ANKFN1: variants seen among roughly 807,000 people sequenced by gnomAD.
The protein encoded by ANKFN1 is ankyrin repeat and fibronectin type-III domain-containing protein 1.
A neutral mutation model predicts 108.7 loss-of-function variants in ANKFN1; 74 were observed. The ratio of observed to expected loss-of-function variants is 0.68; its 90% CI spans 0.56 to 0.83. The LOEUF (loss-of-function observed/expected upper bound fraction) is 0.83. Ranked by LOEUF, ANKFN1 falls within the 40% of genes least tolerant of loss-of-function variation. The pLI is 0.00. For synonymous variants in ANKFN1, 547 were observed against 516.2 expected (o/e 1.06, Z -0.81); for missense variants, 1,505 against 1,382.3 (o/e 1.09, Z -1.41).
In ANKFN1 at chr17:56,350,737, G is replaced by T. The variant is rs868190933; in HGVS notation, c.189-29G>T. ...TCAACTTATAATTTGTGGTGTAAAAGATATAACATCGGACTTTCCTCTTCT... is the reference window on the plus strand; with the variant it reads ...TCAACTTATAATTTGTGGTGTAAAATATATAACATCGGACTTTCCTCTTCT... On this transcript the variant is annotated intron_variant, in intron 4 of 20. Coordinates refer to ENST00000682825, the MANE Select transcript of ANKFN1 (RefSeq NM_001370326.1). 8.2e-6 allele frequency: 13 copies of T among 1,591,894 alleles called. 1 individual carries two copies. The Middle Eastern group carries it at 1.8e-3, about 224-fold the overall frequency.
intron 1 of ANKFN1, among the ~76,000 whole-genome samples, chr17:56,154,659 A>AAC (rs1555601688): frequency 2.1e-4 from 32 of 151,748 alleles, no homozygotes; most frequent in African/African-American, 6.8e-4. Flanking sequence ...AAAAAAAAAA[A>AAC]CTTATTCCTT....
At chr17:56,206,760 A>G (rs1003698084) in intron 1 of ANKFN1, among the ~76,000 whole-genome samples, 17 of 152,154 alleles carry the variant, frequency 1.1e-4, no homozygotes, top group African/African-American at 3.9e-4. Context: ...TTGGCAAGAG[A>G]TGGGGATGGG....
intron 6 of ANKFN1, among the ~76,000 whole-genome samples, chr17:56,370,484 A>T (rs1468838189): frequency 6.6e-6 from 1 of 152,240 alleles, no homozygotes; most frequent in Non-Finnish European, 1.5e-5. Flanking sequence ...TTTATAAATC[A>T]TGTGTCTGTC....
chr17:56,377,573 G>A (rs963500278), intron 8 of ANKFN1, among the ~76,000 whole-genome samples: 2 of 152,128 alleles, frequency 1.3e-5, no homozygotes, highest in African/African-American at 4.8e-5. Flanking sequence ...CCATTTTTAT[G>A]GCTGACAGAG....
intron 3 of ANKFN1, among the ~76,000 whole-genome samples, chr17:56,321,319 G>C (rs1039192924): frequency 6.6e-6 from 1 of 152,064 alleles, no homozygotes; most frequent in East Asian, 1.9e-4. Flanking sequence ...AATCGGAGCC[G>C]TTATTGAGCA....
In ANKFN1 at chr17:56,479,855, C is replaced by A. The variant is rs117756890; in HGVS notation, c.1941-813C>A. ...CTCCCTGCAGAGTTCGAAGGAGAAT[C>A]TGGGCCAACTGAATGTGTTTAGAGA... is the stretch of plus-strand genomic sequence containing the variant. On this transcript the variant is annotated intron_variant, in intron 16 of 20. Coordinates refer to ENST00000682825, the MANE Select transcript of ANKFN1 (RefSeq NM_001370326.1). 3.2e-3 allele frequency among the ~76,000 whole-genome samples: 494 copies of A among 152,344 alleles called. 3 individuals are homozygous for A. The highest frequency in any genetic ancestry group is 7.5e-3 in the Admixed American group (115 of 15,298).
intron 14 of ANKFN1, among the ~76,000 whole-genome samples, chr17:56,460,896 A>G (rs2049882606): frequency 6.6e-6 from 1 of 152,142 alleles, no homozygotes; most frequent in Non-Finnish European, 1.5e-5. Context: ...CTCCACTGAC[A>G]TCTCCATTTC....
At position 56,505,884 on chromosome 17, in the gene ANKFN1, A is replaced by G. The variant is rs1433991300; in HGVS notation, c.2645-4589A>G. 2.0e-5 allele frequency among the ~76,000 whole-genome samples: 3 copies of G among 152,188 alleles called. No homozygotes were observed. The East Asian group carries it at 5.8e-4, about 29-fold the overall frequency. On this transcript the variant is annotated intron_variant, in intron 20 of 20. Coordinates refer to ENST00000682825, the MANE Select transcript of ANKFN1 (RefSeq NM_001370326.1). ...ACTATTCGTATGTTGGGAGATCAAA[A>G]TACAGACAGATTTTGCAAAGTGCTT... is the stretch of plus-strand genomic sequence containing the variant.
At chr17:56,320,476 C>T (rs1172396401) in intron 3 of ANKFN1, among the ~76,000 whole-genome samples, 1 of 152,152 alleles carries the variant, frequency 6.6e-6, no homozygotes, top group African/African-American at 2.4e-5. Flanking sequence ...AATGTTGGAA[C>T]TGCATATAAA....
chr17:56,240,622 G>T (rs1038180913), intron 3 of ANKFN1, among the ~76,000 whole-genome samples: 4 of 152,024 alleles, frequency 2.6e-5, no homozygotes, highest in East Asian at 1.9e-4. Flanking sequence ...CCCTCCTAGG[G>T]TTGACCAGTT....
At chr17:56,421,941 T>C (rs1044817881) in intron 8 of ANKFN1, among the ~76,000 whole-genome samples, 53 of 152,284 alleles carry the variant, frequency 3.5e-4, no homozygotes, top group African/African-American at 1.2e-3. Flanking sequence ...AACATTTACA[T>C]TTTTTCCATG....
intron 3 of ANKFN1, among the ~76,000 whole-genome samples, chr17:56,318,169 A>G (rs1169373086): frequency 6.6e-6 from 1 of 152,050 alleles, no homozygotes; most frequent in Admixed American, 6.6e-5. Context: ...TAACCTTCAT[A>G]TAACCAGGGC....
rs1320548059 is a variant in ANKFN1 at position 56,512,711 on chromosome 17, C to T, written c.*1442C>T. 6.6e-6 allele frequency among the ~76,000 whole-genome samples: 1 copy of T among 152,192 alleles called. No individual in the cohort carries two copies. Among genetic ancestry groups the T allele is most frequent in the Non-Finnish European group, 1.5e-5 (1 of 68,042 alleles). ...CCTTGTCCACAGAGTTCTACCATTCCTCCTCATGGGAGTTCATACAAAGTC... is the reference window on the plus strand; with the variant it reads ...CCTTGTCCACAGAGTTCTACCATTCTTCCTCATGGGAGTTCATACAAAGTC... On this transcript the variant is annotated 3_prime_UTR_variant, in exon 21 of 21. Coordinates refer to ENST00000682825, the MANE Select transcript of ANKFN1 (RefSeq NM_001370326.1).
In ANKFN1 at chr17:56,409,412, A is replaced by C. The variant is rs192660425; in HGVS notation, c.911-30915A>C. On this transcript the variant is annotated intron_variant, in intron 8 of 20. Coordinates refer to ENST00000682825, the MANE Select transcript of ANKFN1 (RefSeq NM_001370326.1). Reference sequence around the variant, plus strand: ...ACCAAAAACACTGAACATTGTACATAAAACAAGCATAAGAAGACCCTGGAA... The same window carrying C: ...ACCAAAAACACTGAACATTGTACATCAAACAAGCATAAGAAGACCCTGGAA... 7.0e-4 allele frequency among the ~76,000 whole-genome samples: 106 copies of C among 152,342 alleles called. 2 individuals carry two copies. In the East Asian group the frequency reaches 0.018, roughly 27 times the overall value.
intron 4 of ANKFN1, among the ~76,000 whole-genome samples, chr17:56,331,429 G>T (rs1188434159): frequency 6.6e-6 from 1 of 152,136 alleles, no homozygotes; most frequent in Non-Finnish European, 1.5e-5. Flanking sequence ...GACTGGCTCA[G>T]ACCTTTTGTC....
chr17:56,150,711 T>C (rs1276057768), upstream of ANKFN1, among the ~76,000 whole-genome samples: 2 of 152,144 alleles, frequency 1.3e-5, no homozygotes. Context: ...CGTCCCTTCC[T>C]GCCACTGTAG....
chr17:56,065,688 C>T (rs377414729), intron 4 of ANKFN1, among the ~76,000 whole-genome samples: 24 of 152,258 alleles, frequency 1.6e-4, no homozygotes, highest in African/African-American at 4.3e-4. Context: ...GTGGAGCAGT[C>T]AGAACACACA....
At chr17:56,339,944 C>T (rs2045917910) in intron 4 of ANKFN1, among the ~76,000 whole-genome samples, 1 of 152,142 alleles carries the variant, frequency 6.6e-6, no homozygotes, top group African/African-American at 2.4e-5. Flanking sequence ...GTTCCTTTTC[C>T]TCCACAAACT....
intron 3 of ANKFN1, among the ~76,000 whole-genome samples, chr17:56,302,965 G>A (rs2044716019): frequency 6.6e-6 from 1 of 152,204 alleles, no homozygotes; most frequent in South Asian, 2.1e-4. Context: ...AGGCACTACT[G>A]TAATGAAATG....
Sources: gnomAD v4.1 joint callset for allele counts (sites outside exome capture counted in the v4.1 genomes callset) on GRCh38, gnomAD v4.1.1 for gene constraint, MANE v1.5 for transcripts, NCBI Gene and HGNC (gene_info 2026-07-23, HGNC 2026-07-21) for gene names.